DPM1: variants seen among roughly 807,000 people sequenced by gnomAD.
DPM1 encodes dolichyl-phosphate mannosyltransferase subunit 1, catalytic.
In DPM1, 27 loss-of-function variants were observed where a neutral mutation model predicts 39.0. That is an observed-to-expected ratio of 0.69 (90% CI 0.51 to 0.95). The LOEUF is 0.95. DPM1 is among the 40% of genes least tolerant of loss of function. The pLI, the probability that DPM1 is intolerant of heterozygous loss-of-function variation, is 0.00. For missense variants in DPM1, 307 were observed against 315.6 expected (o/e 0.97, Z 0.21); for synonymous variants, 124 against 109.0 (o/e 1.14, Z -0.86).
In DPM1 at chr20:50,935,598, A is replaced by G. The variant is rs144672930; in HGVS notation, c.679-362T>C. ...TTGTCAAATTTAGCTACAATGGTTT[A>G]GCATTAAGTAAAATAGCTTGTAACT... On this transcript the variant is annotated intron_variant, in intron 8 of 8. Transcript: ENST00000371588. Among the ~76,000 whole-genome samples the G allele has an allele frequency of 4.5e-3, 678 of 152,344 alleles. 2 individuals carry two copies. Among genetic ancestry groups the G allele is most frequent in the African/African-American group, 0.015 (628 of 41,576 alleles).
At chr20:50,945,284 T>TTATGTGTGTTGTG (rs376140440) in intron 5 of DPM1, 2 of 156,590 alleles carry the variant, frequency 1.3e-5, no homozygotes, top group Non-Finnish European at 2.8e-5. Flanking sequence ...CAAATGTGTG[T>TTATGTGTGTTGTG]TGTGTGTGTG....
chr20:50,952,395 G>A (rs767755131), intron 2 of DPM1, among the ~76,000 whole-genome samples: 2 of 152,136 alleles, frequency 1.3e-5, no homozygotes, highest in Non-Finnish European at 2.9e-5. Flanking sequence ...AGGCATTAAG[G>A]ATTTTTGAGG....
chr20:50,944,595 G>A (rs1184297028), intron 5 of DPM1: 1 of 152,204 alleles, frequency 6.6e-6, no homozygotes, highest in East Asian at 1.9e-4. Flanking sequence ...AGGGGCTTGA[G>A]GGACAAGGGA....
intron 3 of DPM1, among the ~76,000 whole-genome samples, chr20:50,947,967 T>C (rs916792925): frequency 6.6e-6 from 1 of 152,182 alleles, no homozygotes; most frequent in Non-Finnish European, 1.5e-5. Flanking sequence ...ACTTAAAGGA[T>C]GTTCCAAGGT....
Position 50,945,831 on chromosome 20 carries a change from G to C in DPM1, c.372+16C>G, listed in dbSNP as rs1440368517. On this transcript the variant is annotated intron_variant, in intron 4 of 8. Transcript: ENST00000371588. ...AAGACTACCATAAATAGCTAATAAAGAAACATACCACTTACATGGTGTGAG... is the reference window on the plus strand; with the variant it reads ...AAGACTACCATAAATAGCTAATAAACAAACATACCACTTACATGGTGTGAG... The C allele has an allele frequency of 3.7e-6, 6 of 1,612,288 alleles. No homozygotes were observed. Among genetic ancestry groups the C allele is most frequent in the Middle Eastern group, 1.7e-4 (1 of 6,028 alleles).
chr20:50,946,168 C>T (rs1184948322), intron 3 of DPM1, among the ~76,000 whole-genome samples: 2 of 152,200 alleles, frequency 1.3e-5, no homozygotes, highest in East Asian at 3.8e-4. Flanking sequence ...ACCTCTATTT[C>T]AGTATAGCAA....
intron 7 of DPM1, among the ~76,000 whole-genome samples, chr20:50,939,117 C>A (rs1985479531): frequency 6.6e-6 from 1 of 152,174 alleles, no homozygotes; most frequent in Non-Finnish European, 1.5e-5. Flanking sequence ...TCCTTCAACC[C>A]CCATCCCCTC....
At chr20:50,945,810 C>T in intron 4 of DPM1, 37 bp downstream of exon 4, 1 of 1,611,236 alleles carries the variant, frequency 6.2e-7, no homozygotes, top group Non-Finnish European at 8.5e-7. Context: ...CAGGCTAAGA[C>T]TACCATAAAT....
At chr20:50,937,465 T>A (rs151178893) in intron 7 of DPM1, among the ~76,000 whole-genome samples, 1 of 152,232 alleles carries the variant, frequency 6.6e-6, no homozygotes, top group Non-Finnish European at 1.5e-5. Flanking sequence ...TTTTTTTTTA[T>A]GTTTTGGGGT....
At chr20:50,955,064 G>T in intron 2 of DPM1, 122 bp downstream of exon 2, 3 of 825,196 alleles carry the variant, frequency 3.6e-6, no homozygotes, top group South Asian at 3.1e-5. Flanking sequence ...TCCCAAATGC[G>T]TAAGTTGCTC....
chr20:50,954,055 T>C (rs966275636), intron 2 of DPM1, among the ~76,000 whole-genome samples: 1 of 152,206 alleles, frequency 6.6e-6, no homozygotes, highest in African/African-American at 2.4e-5. Context: ...ACATTTACCA[T>C]GTAGTAACAC....
intron 5 of DPM1, among the ~76,000 whole-genome samples, chr20:50,943,916 A>G (rs892059159): frequency 3.3e-5 from 5 of 151,066 alleles, no homozygotes; most frequent in Non-Finnish European, 5.9e-5. Context: ...ATTTTTTTGT[A>G]TTTTTAGTAG....
At chr20:50,937,040 A>G (rs1601018627) in intron 7 of DPM1, among the ~76,000 whole-genome samples, 1 of 146,922 alleles carries the variant, frequency 6.8e-6, no homozygotes, top group African/African-American at 2.5e-5. Context: ...TTTCAGAGTC[A>G]CACTTTTTTT....
chr20:50,940,608 T>C (rs1233924790), intron 7 of DPM1, among the ~76,000 whole-genome samples: 1 of 152,192 alleles, frequency 6.6e-6, no homozygotes, highest in Non-Finnish European at 1.5e-5. Context: ...AATAGCAACA[T>C]TCCAAAGAGC....
chr20:50,957,040 T>C lies in DPM1; in HGVS notation c.161+1323A>G, dbSNP rs543708606. Reference sequence around the variant, plus strand: ...ACAGCAAAAAAAAAAATTGCAAAATTAGAATACAAGCCCTGAACGAGATCG... The same window carrying C: ...ACAGCAAAAAAAAAAATTGCAAAATCAGAATACAAGCCCTGAACGAGATCG... On this transcript the variant is annotated intron_variant, in intron 1 of 8. Coordinates refer to ENST00000371588, the MANE Select transcript of DPM1 (RefSeq NM_003859.3). Among the ~76,000 whole-genome samples the C allele has an allele frequency of 7.2e-5, 11 of 152,162 alleles. No individual in the cohort carries two copies. In the South Asian group the frequency reaches 1.7e-3, roughly 23 times the overall value.
intron 2 of DPM1, among the ~76,000 whole-genome samples, chr20:50,951,430 A>G (rs1156814229): frequency 6.6e-6 from 1 of 152,218 alleles, no homozygotes; most frequent in African/African-American, 2.4e-5. Context: ...ACATATATGC[A>G]CAAAAAAACG....
chr20:50,940,755 G>A (rs576525415), intron 7 of DPM1, 110 bp downstream of exon 7: 148 of 916,800 alleles, frequency 1.6e-4, no homozygotes, highest in Non-Finnish European at 2.5e-4. Flanking sequence ...TGCCTTTTTA[G>A]TATCCCAGAA....
chr20:50,941,371 A>G (rs1048510623), intron 6 of DPM1, among the ~76,000 whole-genome samples: 13 of 145,304 alleles, frequency 8.9e-5, no homozygotes, highest in Non-Finnish European at 1.3e-4. Flanking sequence ...ATATATATTC[A>G]TATTATATAT....
At position 50,936,147 on chromosome 20, in the gene DPM1, C is replaced by T; in HGVS notation, c.678+1G>A. 1 of 1,603,844 alleles carries T rather than the reference C, an allele frequency of 6.2e-7. No individual in the cohort carries two copies. Among genetic ancestry groups the T allele is most frequent in the Non-Finnish European group, 8.5e-7 (1 of 1,170,802 alleles). On this transcript the variant is annotated splice_donor_variant, in intron 8 of 8. Coordinates refer to ENST00000371588, the MANE Select transcript of DPM1 (RefSeq NM_003859.3). LOFTEE classifies it high-confidence loss of function. ...CACACTATTTAGCATCAGTTGCATA[C>T]CTCGCCAATAGTATAATTCAACTGT...
Sources: gnomAD v4.1 joint callset for allele counts (sites outside exome capture counted in the v4.1 genomes callset) on GRCh38, gnomAD v4.1.1 for gene constraint, MANE v1.5 for transcripts, NCBI Gene and HGNC (gene_info 2026-07-23, HGNC 2026-07-21) for gene names.